MAN2A1: variants seen among roughly 807,000 people sequenced by gnomAD.
MAN2A1 encodes the protein mannosidase alpha class 2A member 1, also known as alpha-mannosidase 2.
MAN2A1 carries 76 observed loss-of-function variants against 142.6 expected under a neutral mutation model. The ratio of observed to expected loss-of-function variants is 0.53; its 90% CI spans 0.44 to 0.65. The LOEUF is 0.65. Among genes scored for constraint, MAN2A1 ranks in the 30% least tolerant of loss-of-function variants. The pLI is 0.00. For missense variants in MAN2A1, 1,311 were observed against 1,365.1 expected (o/e 0.96, Z 0.62); for synonymous variants, 559 against 473.2 (o/e 1.18, Z -2.35).
In MAN2A1 at chr5:109,826,427, A is replaced by AT. The variant is rs961159462; in HGVS notation, c.2566+2600dup. Among the ~76,000 whole-genome samples the AT allele has an allele frequency of 8.9e-4, 133 of 149,718 alleles. 7 individuals are homozygous for AT. Among genetic ancestry groups the AT allele is most frequent in the African/African-American group, 3.2e-4 (13 of 40,738 alleles). ...ATCTTTTTTCATTCTAGTCCGGATC[A>AT]TTTTTTTTTTCAACATGAAAGCAGT... is the stretch of plus-strand genomic sequence containing the variant. On this transcript the variant is annotated intron_variant, in intron 16 of 21. Transcript: ENST00000261483.
intron 4 of MAN2A1, among the ~76,000 whole-genome samples, chr5:109,738,853 G>GT (rs1459328703): frequency 6.0e-5 from 9 of 150,118 alleles, no homozygotes; most frequent in East Asian, 5.8e-4. Flanking sequence ...TTTAGTTTTT[G>GT]TTTTTTTTTG....
chr5:109,799,754 C>CAA (rs35788147), intron 12 of MAN2A1, among the ~76,000 whole-genome samples: 78 of 115,456 alleles, frequency 6.8e-4, no homozygotes, highest in East Asian at 2.8e-3. Flanking sequence ...AACTCCGTCT[C>CAA]AAAAAAAAAA....
intron 4 of MAN2A1, among the ~76,000 whole-genome samples, chr5:109,736,970 T>C (rs1752118440): frequency 6.6e-6 from 1 of 152,182 alleles, no homozygotes; most frequent in Non-Finnish European, 1.5e-5. Flanking sequence ...ACTACTGTTT[T>C]CTTTTTGACT....
intron 12 of MAN2A1, among the ~76,000 whole-genome samples, chr5:109,795,843 G>A (rs1396063506): frequency 6.6e-6 from 1 of 152,008 alleles, no homozygotes; most frequent in Non-Finnish European, 1.5e-5. Context: ...CCTGCCTAAG[G>A]TCTCTGTTGA....
intron 20 of MAN2A1, among the ~76,000 whole-genome samples, chr5:109,860,835 T>C (rs1199764758): frequency 6.6e-6 from 1 of 152,212 alleles, no homozygotes; most frequent in African/African-American, 2.4e-5. Flanking sequence ...GGTTTCTGAA[T>C]TGATATATTT....
chr5:109,692,908 C>T (rs932313595), intron 1 of MAN2A1, among the ~76,000 whole-genome samples: 12 of 152,104 alleles, frequency 7.9e-5, no homozygotes, highest in Non-Finnish European at 1.5e-4. Context: ...CCCTGGCATG[C>T]GCAGTTCACA....
chr5:109,791,994 C>T lies in MAN2A1; in HGVS notation c.1943+2467C>T, dbSNP rs887359559. ...ACATGTTGATATGCCTAATTTAGTT[C>T]ACACAGTTATGTGAGCTATATCATG... On this transcript the variant is annotated intron_variant, in intron 12 of 21. Coordinates refer to ENST00000261483, the MANE Select transcript of MAN2A1 (RefSeq NM_002372.4). Among the ~76,000 whole-genome samples, 3 of 152,042 alleles carry T rather than the reference C, an allele frequency of 2.0e-5. No homozygotes were observed. The East Asian group carries it at 5.8e-4, about 29-fold the overall frequency.
chr5:109,731,225 A>T (rs1483075943), intron 4 of MAN2A1, among the ~76,000 whole-genome samples: 1 of 150,912 alleles, frequency 6.6e-6, no homozygotes, highest in Non-Finnish European at 1.5e-5. Context: ...GAATGTTGGA[A>T]TTCTCCTCTT....
At chr5:109,792,900 T>C (rs982686093) in intron 12 of MAN2A1, among the ~76,000 whole-genome samples, 3 of 152,076 alleles carry the variant, frequency 2.0e-5, no homozygotes, top group African/African-American at 7.2e-5. Context: ...TGTTTTAAGA[T>C]TGAAAGTCTC....
At chr5:109,830,166 A>C (rs1343451718) in intron 16 of MAN2A1, among the ~76,000 whole-genome samples, 2 of 152,220 alleles carry the variant, frequency 1.3e-5, no homozygotes, top group East Asian at 3.8e-4. Context: ...GATGAAATCC[A>C]TGCATAGTTT....
intron 12 of MAN2A1, among the ~76,000 whole-genome samples, chr5:109,813,948 G>C (rs1754386259): frequency 6.6e-6 from 1 of 152,118 alleles, no homozygotes; most frequent in Non-Finnish European, 1.5e-5. Flanking sequence ...AGTTTGATTG[G>C]CAGGTAACAT....
chr5:109,846,699 A>T (rs961382488), intron 18 of MAN2A1, among the ~76,000 whole-genome samples: 3 of 152,150 alleles, frequency 2.0e-5, no homozygotes, highest in South Asian at 2.1e-4. Context: ...ATAATAACTG[A>T]GTGCAGATTC....
At chr5:109,752,683 G>A (rs1311472852) in intron 4 of MAN2A1, among the ~76,000 whole-genome samples, 1 of 152,178 alleles carries the variant, frequency 6.6e-6, no homozygotes, top group East Asian at 1.9e-4. Context: ...AGACCAGCCA[G>A]ACTGGGAAAG....
At chr5:109,853,418 G>A (rs1451428552) in intron 19 of MAN2A1, among the ~76,000 whole-genome samples, 1 of 152,142 alleles carries the variant, frequency 6.6e-6, no homozygotes, top group African/African-American at 2.4e-5. Flanking sequence ...GTTAATTTGG[G>A]GAAACACCAA....
chr5:109,736,522 A>T (rs1464113007), intron 4 of MAN2A1, among the ~76,000 whole-genome samples: 1 of 152,144 alleles, frequency 6.6e-6, no homozygotes, highest in African/African-American at 2.4e-5. Context: ...AACTCTAAAA[A>T]AAAAGTTTTT....
At chr5:109,779,987 G>T (rs187070755) in intron 8 of MAN2A1, among the ~76,000 whole-genome samples, 11 of 152,058 alleles carry the variant, frequency 7.2e-5, no homozygotes, top group Admixed American at 4.6e-4. Context: ...TGTTCCAGTC[G>T]CAATTTTGTC....
chr5:109,710,816 A>T (rs1001588406), intron 1 of MAN2A1, among the ~76,000 whole-genome samples: 1 of 151,924 alleles, frequency 6.6e-6, no homozygotes, highest in Admixed American at 6.6e-5. Context: ...TCAGCCTTCC[A>T]AGTAGCTGGG....
At position 109,795,625 on chromosome 5, in the gene MAN2A1, G is replaced by A. The variant is rs114748754; in HGVS notation, c.1943+6098G>A. On this transcript the variant is annotated intron_variant, in intron 12 of 21. Transcript: ENST00000261483. ...GCAATTACTTGCTGATTAATGATAA[G>A]CAGTTAGAAATAAAAGCAACCTGCA... is the stretch of plus-strand genomic sequence containing the variant. Among the ~76,000 whole-genome samples, 948 of 152,204 alleles carry A rather than the reference G, an allele frequency of 6.2e-3. 11 individuals carry two copies. Among genetic ancestry groups the A allele is most frequent in the African/African-American group, 0.022 (898 of 41,520 alleles).
chr5:109,796,923 C>T (rs1753878641), intron 12 of MAN2A1, among the ~76,000 whole-genome samples: 2 of 152,186 alleles, frequency 1.3e-5, no homozygotes, highest in South Asian at 4.1e-4. Context: ...ACTTGGTAGA[C>T]TAGCAGCTCC....
Sources: gnomAD v4.1 joint callset for allele counts (sites outside exome capture counted in the v4.1 genomes callset) on GRCh38, gnomAD v4.1.1 for gene constraint, MANE v1.5 for transcripts, NCBI Gene and HGNC (gene_info 2026-07-23, HGNC 2026-07-21) for gene names.